Variants in PAK5 observed in about 807,000 individuals in gnomAD.
PAK5 encodes the protein serine/threonine-protein kinase PAK 5.
Under a neutral mutation model 65.9 loss-of-function variants are expected in PAK5, and 16 were observed. The observed-to-expected ratio is 0.24, with a 90% CI of 0.16 to 0.37. The LOEUF is 0.37. Ranked by LOEUF, PAK5 falls within the 10% of genes least tolerant of loss-of-function variation. PAK5 has a pLI of 1.00. For synonymous variants in PAK5, 371 were observed against 354.9 expected (o/e 1.05, Z -0.51); for missense variants, 785 against 903.9 (o/e 0.87, Z 1.69).
intron 1 of PAK5, among the ~76,000 whole-genome samples, chr20:9,754,265 A>C (rs1278131822): frequency 6.6e-6 from 1 of 152,178 alleles, no homozygotes; most frequent in African/African-American, 2.4e-5. Flanking sequence ...GAAAAACTTT[A>C]ATTCACCTTA....
intron 1 of PAK5, among the ~76,000 whole-genome samples, chr20:9,795,229 T>G (rs1390037379): frequency 6.6e-6 from 1 of 152,104 alleles, no homozygotes; most frequent in Admixed American, 6.6e-5. Flanking sequence ...TACCTATTTA[T>G]AAACTTTCTA....
rs1170764064 is a variant in PAK5, at chr20:9,766,333, A to AATATATATATATTCTACTTGAAT, written c.-161-54899_-161-54898insATTCAAGTAGAATATATATATAT. On this transcript the variant is annotated intron_variant, in intron 1 of 9. Coordinates refer to ENST00000353224, the MANE Select transcript of PAK5 (RefSeq NM_177990.4). ...AATATATATATATTCTACTTACTTG[A>AATATATATATATTCTACTTGAAT]ATATATATATTCTACTTACTTGAAT... is the stretch of plus-strand genomic sequence containing the variant. Among the ~76,000 whole-genome samples the AATATATATATATTCTACTTGAAT allele has an allele frequency of 3.3e-3, 85 of 25,878 alleles. 7 individuals are homozygous for AATATATATATATTCTACTTGAAT. The highest frequency in any genetic ancestry group is 6.5e-3 in the East Asian group (3 of 462). 17.0% of individuals were successfully genotyped at this position (25,878 alleles called of 152,430 possible).
rs376118527 is a variant in PAK5 at position 9,580,177 on chromosome 20, G to A, written c.958C>T (p.Arg320Cys). 18 of 1,613,696 alleles carry A rather than the reference G, an allele frequency of 1.1e-5. No individual in the cohort carries two copies. The highest frequency in any genetic ancestry group is 1.7e-5 in the Admixed American group (1 of 60,000). ...GHSYNSYTYP[R>C]LSEPTMCIPK... ...ATGCACATTGTGGGCTCGGACAAGC[G>A]AGGGTAGGTGTAGGAGTTGTAGGAG... Residue 320 changes from arginine (R) to cysteine (C), a missense_variant, in exon 4 of 10, where the codon CGC becomes TGC. By Grantham distance (180) the Arg-to-Cys change is radical (BLOSUM62 -3). Around this residue, in one of 4 missense-constraint regions of PAK5, gnomAD observed 422 missense variants for 413.3 expected, o/e 1.02. Coordinates refer to ENST00000353224, the MANE Select transcript of PAK5 (RefSeq NM_177990.4).
chr20:9,775,514 G>A (rs1351168816), intron 1 of PAK5, among the ~76,000 whole-genome samples: 1 of 152,090 alleles, frequency 6.6e-6, no homozygotes, highest in African/African-American at 2.4e-5. Context: ...TTTCCTTCAA[G>A]TACTAAATAT....
intron 1 of PAK5, among the ~76,000 whole-genome samples, chr20:9,827,712 G>C (rs1192513672): frequency 6.6e-6 from 1 of 152,176 alleles, no homozygotes; most frequent in African/African-American, 2.4e-5. Flanking sequence ...TTGGAGGTAA[G>C]AATGAAAGAG....
chr20:9,829,581 T>C (rs1201465473), intron 1 of PAK5, among the ~76,000 whole-genome samples: 1 of 152,194 alleles, frequency 6.6e-6, no homozygotes, highest in Non-Finnish European at 1.5e-5. Context: ...TTTCTTATAA[T>C]CTACATTGCC....
intron 3 of PAK5, among the ~76,000 whole-genome samples, chr20:9,638,752 A>G (rs1320960115): frequency 6.6e-6 from 1 of 152,162 alleles, no homozygotes; most frequent in Non-Finnish European, 1.5e-5. Flanking sequence ...AAGCGTGACA[A>G]TGGGTAAGCC....
At chr20:9,624,923 A>G (rs2046822162) in intron 3 of PAK5, among the ~76,000 whole-genome samples, 1 of 152,244 alleles carries the variant, frequency 6.6e-6, no homozygotes, top group Non-Finnish European at 1.5e-5. Flanking sequence ...TGAATCTGTT[A>G]TAAGCAATTA....
At chr20:9,643,124 T>A (rs1354401578) in intron 3 of PAK5, among the ~76,000 whole-genome samples, 8 of 152,230 alleles carry the variant, frequency 5.3e-5, no homozygotes, top group Non-Finnish European at 1.2e-4. Flanking sequence ...TATGCAGTAT[T>A]CATGTTAACA....
At chr20:9,768,718 G>A (rs1300442627) in intron 1 of PAK5, among the ~76,000 whole-genome samples, 1 of 148,544 alleles carries the variant, frequency 6.7e-6, no homozygotes, top group African/African-American at 2.5e-5. Context: ...AGGCGGCTGA[G>A]GTTGCAGTGA....
chr20:9,600,838 G>T (rs571510834), intron 3 of PAK5, among the ~76,000 whole-genome samples: 2 of 141,418 alleles, frequency 1.4e-5, no homozygotes, highest in East Asian at 3.9e-4. Flanking sequence ...ATCTGGCAGG[G>T]GAGAAAGGAG....
chr20:9,637,931 A>G (rs2047002540), intron 3 of PAK5, among the ~76,000 whole-genome samples: 1 of 152,180 alleles, frequency 6.6e-6, no homozygotes. Flanking sequence ...GCTGTAACAA[A>G]GGGAAAGGGT....
At chr20:9,740,109 C>T (rs1222381424) in intron 1 of PAK5, among the ~76,000 whole-genome samples, 1 of 152,114 alleles carries the variant, frequency 6.6e-6, no homozygotes, top group Admixed American at 6.6e-5. Context: ...GAATTAAAAG[C>T]GTTCTTTGGT....
rs1458713058 is a variant in PAK5 at position 9,539,078 on chromosome 20, T to G, written c.*384A>C. The G allele has an allele frequency of 8.6e-6, 2 of 232,160 alleles. No individual in the cohort carries two copies. The highest frequency in any genetic ancestry group is 1.7e-5 in the Non-Finnish European group (2 of 120,508). 14.4% of individuals were successfully genotyped at this position (232,160 alleles called of 1,614,324 possible). ...ATTAAGAAAAAAGTGCTTTTTGTTT[T>G]CCTTTCTTTCTTTTTTTTTTTTTTT... On this transcript the variant is annotated 3_prime_UTR_variant, in exon 10 of 10. Coordinates refer to ENST00000353224, the MANE Select transcript of PAK5 (RefSeq NM_177990.4).
At chr20:9,585,906 T>G (rs1257028798) in intron 3 of PAK5, among the ~76,000 whole-genome samples, 1 of 152,108 alleles carries the variant, frequency 6.6e-6, no homozygotes, top group Non-Finnish European at 1.5e-5. Flanking sequence ...AAGCTAAAAG[T>G]CTAGGGAAAG....
At chr20:9,582,586 T>C (rs2045998120) in intron 3 of PAK5, among the ~76,000 whole-genome samples, 1 of 152,160 alleles carries the variant, frequency 6.6e-6, no homozygotes, top group South Asian at 2.1e-4. Flanking sequence ...CACACTCCCC[T>C]TCCCTAGCTT....
intron 5 of PAK5, 36 bp downstream of exon 5, chr20:9,565,857 A>C (rs2045667136): frequency 3.8e-6 from 6 of 1,567,220 alleles, no homozygotes; most frequent in African/African-American, 2.7e-5. Context: ...TAAATGTTAC[A>C]AAGGAGAGAA....
chr20:9,834,354 C>T (rs1379500700), intron 1 of PAK5, among the ~76,000 whole-genome samples: 2 of 152,262 alleles, frequency 1.3e-5, no homozygotes, highest in East Asian at 3.9e-4. Context: ...CATTAAGTCA[C>T]TTCTCACTTG....
intron 1 of PAK5, among the ~76,000 whole-genome samples, chr20:9,728,978 G>T (rs1004033481): frequency 3.9e-5 from 6 of 151,994 alleles, no homozygotes; most frequent in Non-Finnish European, 8.8e-5. Flanking sequence ...TTGTATTATG[G>T]TTATACAATA....
Sources: allele counts gnomAD v4.1 joint callset (sites outside exome capture counted in the v4.1 genomes callset), GRCh38; gene constraint gnomAD v4.1.1; regional missense constraint gnomAD v4.1.1; transcripts MANE v1.5; gene names NCBI Gene and HGNC (gene_info 2026-07-23, HGNC 2026-07-21).